Variants in BLTP1 observed in about 807,000 individuals in gnomAD.
BLTP1 encodes bridge-like lipid transfer protein family member 1.
chr4:122,276,881 G>A, the BLTP1 span: 3 of 984,710 alleles, frequency 3.0e-6, no homozygotes, highest in Non-Finnish European at 3.6e-6. Flanking sequence ...CTACTGTTGG[G>A]CTTTGCGTTT....
the BLTP1 span, chr4:122,250,261 G>GA: frequency 8.8e-6 from 11 of 1,255,272 alleles, no homozygotes; most frequent in African/African-American, 9.1e-5. Context: ...GACTTGGTGA[G>GA]AAAAAAATAG....
At chr4:122,237,641 C>T in the BLTP1 span, 1 of 765,308 alleles carries the variant, frequency 1.3e-6, no homozygotes, top group Non-Finnish European at 1.6e-6. Flanking sequence ...GTTTATGGGC[C>T]TGGGATCTAT....
chr4:122,165,843 A>G, the BLTP1 span, among the ~76,000 whole-genome samples: 1 of 148,580 alleles, frequency 6.7e-6, no homozygotes, highest in Non-Finnish European at 1.5e-5. Context: ...GCATTTTTTC[A>G]TGTGTCTGTT....
the BLTP1 span, chr4:122,152,571 C>A: frequency 3.4e-5 from 34 of 985,556 alleles, no homozygotes; most frequent in Non-Finnish European, 4.1e-5. Context: ...CGGGCTGCCT[C>A]GGCACTCGCC....
the BLTP1 span, among the ~76,000 whole-genome samples, chr4:122,206,660 T>A: frequency 2.0e-5 from 3 of 151,810 alleles, no homozygotes; most frequent in Admixed American, 6.6e-5. Context: ...CAAATCTCAT[T>A]AATGAGCTAT....
the BLTP1 span, chr4:122,343,535 T>C: frequency 6.2e-7 from 1 of 1,614,028 alleles, no homozygotes; most frequent in Non-Finnish European, 8.5e-7. Flanking sequence ...CTTTTCCCTT[T>C]ATGTATTTCA....
the BLTP1 span, among the ~76,000 whole-genome samples, chr4:122,302,804 C>G: frequency 6.6e-6 from 1 of 152,152 alleles, no homozygotes; most frequent in Non-Finnish European, 1.5e-5. Flanking sequence ...TGTGGATAGA[C>G]CAGCCACAAC....
chr4:122,321,979 A>ATTTTTTTTTTTTTTTT, the BLTP1 span, among the ~76,000 whole-genome samples: 22 of 27,012 alleles, frequency 8.1e-4, no homozygotes, highest in East Asian at 2.5e-3. Flanking sequence ...ACTACATGTA[A>ATTTTTTTTTTTTTTTT]TTTTTTTTTT....
the BLTP1 span, chr4:122,254,959 T>C: frequency 1.3e-6 from 2 of 1,592,514 alleles, no homozygotes; most frequent in African/African-American, 1.3e-5. Context: ...ATTAGAGGTA[T>C]GTCTTTAAAT....
chr4:122,202,752 C>CT, the BLTP1 span, among the ~76,000 whole-genome samples: 1 of 151,974 alleles, frequency 6.6e-6, no homozygotes, highest in East Asian at 1.9e-4. Context: ...TGTACTAGCA[C>CT]TTTCATTTAC....
chr4:122,324,333 A>G, the BLTP1 span: 1 of 1,294,798 alleles, frequency 7.7e-7, no homozygotes. Context: ...TGGGGAAAAC[A>G]ACTTATTTAA....
the BLTP1 span, chr4:122,250,307 A>G: frequency 6.6e-7 from 1 of 1,514,924 alleles, no homozygotes; most frequent in African/African-American, 1.4e-5. Flanking sequence ...TGTAGAGTAC[A>G]GCATTAAGAC....
the BLTP1 span, among the ~76,000 whole-genome samples, chr4:122,319,432 A>G: frequency 2.0e-3 from 298 of 151,078 alleles, 1 homozygote; most frequent in African/African-American, 7.0e-3. Context: ...TATATTTTAA[A>G]ATTTCTCTTT....
chr4:122,230,113 A>G, the BLTP1 span: 1 of 1,614,206 alleles, frequency 6.2e-7, no homozygotes, highest in African/African-American at 1.3e-5. Flanking sequence ...CAGCCAATTT[A>G]GGACTTATTA....
the BLTP1 span, among the ~76,000 whole-genome samples, chr4:122,326,937 T>G: frequency 6.6e-6 from 1 of 151,734 alleles, no homozygotes; most frequent in Non-Finnish European, 1.5e-5. Flanking sequence ...ATTTGAAATT[T>G]TCAATGTAGG....
At chr4:122,307,517 C>A in the BLTP1 span, 1 of 985,286 alleles carries the variant, frequency 1.0e-6, no homozygotes, top group Non-Finnish European at 1.2e-6. Context: ...ACTCAAACAT[C>A]TTTGACTTTT....
chr4:122,305,323 C>T, the BLTP1 span: 5 of 965,678 alleles, frequency 5.2e-6, no homozygotes, highest in Non-Finnish European at 6.2e-6. Context: ...TATACCTTTC[C>T]TGTAGAATAT....
the BLTP1 span, chr4:122,305,582 C>T: frequency 1.0e-6 from 1 of 982,860 alleles, no homozygotes. Flanking sequence ...TTCTTGTCAT[C>T]TCTTAGAGGT....
the BLTP1 span, chr4:122,276,204 G>A: frequency 2.0e-6 from 1 of 500,886 alleles, no homozygotes; most frequent in Non-Finnish European, 3.0e-6. Context: ...GGTAAGGGCT[G>A]CTTTTTTGGT....
Sources: gnomAD v4.1 joint callset for allele counts (sites outside exome capture counted in the v4.1 genomes callset) on GRCh38, gnomAD v4.1.1 for gene constraint, MANE v1.5 for transcripts, NCBI Gene and HGNC (gene_info 2026-07-23, HGNC 2026-07-21) for gene names.